PRKN: variants seen among roughly 807,000 people sequenced by gnomAD.
The protein encoded by PRKN is E3 ubiquitin-protein ligase parkin.
PRKN carries 56 observed loss-of-function variants against 59.5 expected under a neutral mutation model. The observed-to-expected ratio is 0.94, with a 90% CI of 0.76 to 1.18. The LOEUF (loss-of-function observed/expected upper bound fraction) is 1.18, where lower values mean the gene tolerates loss of function less well. Ranked by LOEUF, PRKN falls within the 50% of genes most tolerant of loss-of-function variation. PRKN has a pLI of 0.00. For synonymous variants in PRKN, 250 were observed against 222.1 expected (o/e 1.13, Z -1.12); for missense variants, 657 against 596.4 (o/e 1.10, Z -1.06).
chr6:162,207,324 A>G (rs1227311191), intron 3 of PRKN, among the ~76,000 whole-genome samples: 1 of 152,106 alleles, frequency 6.6e-6, no homozygotes, highest in Non-Finnish European at 1.5e-5. Flanking sequence ...GTGAGCTGAG[A>G]TCCCATCACT....
rs9458254 is a variant in PRKN at position 161,442,478 on chromosome 6, C to T, written c.1084-55601G>A. On this transcript the variant is annotated intron_variant, in intron 9 of 11. Transcript: ENST00000366898. This position sits in a 1 kb window ranked among gnomAD's most constrained non-coding sequence, Gnocchi z 4.6. ...ATTACTCAGTATGATTTTAAAATCTCGGGCTTCATCTTTTGGATAATTCAC... is the reference window on the plus strand; with the variant it reads ...ATTACTCAGTATGATTTTAAAATCTTGGGCTTCATCTTTTGGATAATTCAC... Among the ~76,000 whole-genome samples, 21,006 of 152,198 alleles carry T rather than the reference C, an allele frequency of 0.14. 1,571 individuals are homozygous for T. Among genetic ancestry groups the T allele is most frequent in the African/African-American group, 0.18 (7,592 of 41,508 alleles).
At chr6:162,426,579 G>A (rs1789248287) in intron 2 of PRKN, among the ~76,000 whole-genome samples, 1 of 152,128 alleles carries the variant, frequency 6.6e-6, no homozygotes, top group Non-Finnish European at 1.5e-5. Context: ...TCCCCAAGTG[G>A]CTGGGACTAC....
chr6:161,711,022 A>G (rs1786729214), intron 7 of PRKN, among the ~76,000 whole-genome samples: 1 of 151,194 alleles, frequency 6.6e-6, no homozygotes, highest in Non-Finnish European at 1.5e-5. Flanking sequence ...GTAGACATGG[A>G]GAAAGGATAT....
intron 6 of PRKN, among the ~76,000 whole-genome samples, chr6:161,848,896 T>A (rs1162570427): frequency 6.6e-6 from 1 of 152,220 alleles, no homozygotes; most frequent in Non-Finnish European, 1.5e-5. Flanking sequence ...GGAGCTGGTT[T>A]GGGCATGGAC....
At chr6:161,964,089 A>T (rs1780486780) in intron 6 of PRKN, among the ~76,000 whole-genome samples, 1 of 152,088 alleles carries the variant, frequency 6.6e-6, no homozygotes, top group African/African-American at 2.4e-5. Context: ...CGCTGTACAG[A>T]GAAAGCCAGG....
chr6:162,582,185 C>A (rs1780818274), intron 1 of PRKN, among the ~76,000 whole-genome samples: 1 of 152,176 alleles, frequency 6.6e-6, no homozygotes, highest in Admixed American at 6.5e-5. Context: ...AGCACTGAAG[C>A]AGAGAAGTCC....
At chr6:162,260,250 C>T (rs985025027) in intron 3 of PRKN, among the ~76,000 whole-genome samples, 1 of 152,052 alleles carries the variant, frequency 6.6e-6, no homozygotes, top group African/African-American at 2.4e-5. Context: ...AAATGAGAAA[C>T]AGGGTGATCA....
intron 7 of PRKN, among the ~76,000 whole-genome samples, chr6:161,780,422 A>G (rs1790155645): frequency 6.6e-6 from 1 of 152,186 alleles, no homozygotes; most frequent in Non-Finnish European, 1.5e-5. Flanking sequence ...GGATGGTCAT[A>G]TGTCATGTAT....
At chr6:161,913,852 T>A (rs1371736828) in intron 6 of PRKN, among the ~76,000 whole-genome samples, 1 of 152,178 alleles carries the variant, frequency 6.6e-6, no homozygotes, top group African/African-American at 2.4e-5. Context: ...AGAACCCTTA[T>A]GGGATTTGTG....
chr6:161,713,345 G>C (rs962268147), intron 7 of PRKN, among the ~76,000 whole-genome samples: 1 of 152,074 alleles, frequency 6.6e-6, no homozygotes, highest in Non-Finnish European at 1.5e-5. Flanking sequence ...TTGGTCTCTA[G>C]TACCCCCTTC....
Position 161,413,923 on chromosome 6 carries a change from G to A in PRKN, c.1084-27046C>T, listed in dbSNP as rs895671823. 6.6e-6 allele frequency among the ~76,000 whole-genome samples: 1 copy of A among 152,114 alleles called. No individual in the cohort carries two copies. The highest frequency in any genetic ancestry group is 2.4e-5 in the African/African-American group (1 of 41,400). ...CTTTCTCTTTCCTGCCTTCTGAAGA[G>A]GAGACTGTGGAAAGGGAAGCGAGGC... is the stretch of plus-strand genomic sequence containing the variant. On this transcript the variant is annotated intron_variant, in intron 9 of 11. Coordinates refer to ENST00000366898, the MANE Select transcript of PRKN (RefSeq NM_004562.3). The surrounding 1 kb of genome is among the most constrained non-coding windows in gnomAD (Gnocchi z 4.4).
rs185808825 is a variant in PRKN at position 161,647,690 on chromosome 6, A to G, written c.872-78274T>C. 4.6e-5 allele frequency among the ~76,000 whole-genome samples: 7 copies of G among 152,312 alleles called. No individual in the cohort carries two copies. In the East Asian group the frequency reaches 1.3e-3, roughly 29 times the overall value. On this transcript the variant is annotated intron_variant, in intron 7 of 11. Coordinates refer to ENST00000366898, the MANE Select transcript of PRKN (RefSeq NM_004562.3). ...TCCCATTGAGAAAAACATATTAGTCATCTAAATGAAGAAGTTTGCTAATGT... is the reference window on the plus strand; with the variant it reads ...TCCCATTGAGAAAAACATATTAGTCGTCTAAATGAAGAAGTTTGCTAATGT...
intron 2 of PRKN, among the ~76,000 whole-genome samples, chr6:162,352,152 G>A (rs1011905396): frequency 9.9e-5 from 15 of 152,246 alleles, no homozygotes; most frequent in African/African-American, 3.1e-4. Flanking sequence ...CAGCAGCACC[G>A]TAGGTCTCCC....
chr6:161,676,669 T>C (rs1308209790), intron 7 of PRKN, among the ~76,000 whole-genome samples: 1 of 152,180 alleles, frequency 6.6e-6, no homozygotes, highest in East Asian at 1.9e-4. Flanking sequence ...CATAATATTA[T>C]CTGGCTCTCT....
At chr6:161,618,432 A>AT (rs1320636598) in intron 7 of PRKN, among the ~76,000 whole-genome samples, 1 of 151,514 alleles carries the variant, frequency 6.6e-6, no homozygotes, top group South Asian at 2.1e-4. Flanking sequence ...CTATGTCCAA[A>AT]TTTTTTTTTG....
intron 7 of PRKN, among the ~76,000 whole-genome samples, chr6:161,680,754 T>A (rs1582995464): frequency 4.3e-5 from 1 of 23,310 alleles, no homozygotes; most frequent in African/African-American, 1.3e-4. Flanking sequence ...TATATATATA[T>A]ATATATATAT....
chr6:162,255,020 C>T (rs2128097544), intron 3 of PRKN, among the ~76,000 whole-genome samples: 1 of 151,438 alleles, frequency 6.6e-6, no homozygotes, highest in African/African-American at 2.4e-5. Flanking sequence ...AATTTAGCTC[C>T]AAATGTGTGG....
At chr6:162,080,772 G>T (rs1266704362) in intron 4 of PRKN, among the ~76,000 whole-genome samples, 2 of 152,032 alleles carry the variant, frequency 1.3e-5, no homozygotes, top group African/African-American at 4.8e-5. Flanking sequence ...TTGCCGCACT[G>T]ATGGACTCTT....
chr6:162,201,602 T>C (rs1325588492), intron 3 of PRKN, among the ~76,000 whole-genome samples: 3 of 152,208 alleles, frequency 2.0e-5, no homozygotes, highest in African/African-American at 7.2e-5. Flanking sequence ...TCTTTCAGGA[T>C]GCTCCTGAAT....
Sources: allele counts gnomAD v4.1 joint callset (sites outside exome capture counted in the v4.1 genomes callset), GRCh38; gene constraint gnomAD v4.1.1; non-coding constraint Gnocchi (gnomAD v3.1); transcripts MANE v1.5; gene names NCBI Gene and HGNC (gene_info 2026-07-23, HGNC 2026-07-21).